Variants in SMYD3 observed in about 807,000 individuals in gnomAD.
SMYD3 encodes histone-lysine N-methyltransferase SMYD3.
Under a neutral mutation model 57.7 loss-of-function variants are expected in SMYD3, and 36 were observed. That is an observed-to-expected ratio of 0.62 (90% CI 0.48 to 0.82). SMYD3 has a LOEUF of 0.82. SMYD3 is among the 40% of genes least tolerant of loss of function. SMYD3 has a pLI of 0.00. For missense variants in SMYD3, 515 were observed against 538.8 expected, an observed-to-expected ratio of 0.96 and a Z score of 0.44; for synonymous variants, 211 against 195.0, an observed-to-expected ratio of 1.08 and a Z score of -0.68.
intron 5 of SMYD3, among the ~76,000 whole-genome samples, chr1:246,040,614 G>C (rs562268291): frequency 2.6e-5 from 4 of 152,258 alleles, no homozygotes; most frequent in African/African-American, 9.6e-5. Context: ...CCTCAGCTGG[G>C]GCTTATATTA....
chr1:245,918,346 A>C (rs1234916326), intron 7 of SMYD3, among the ~76,000 whole-genome samples: 2 of 152,166 alleles, frequency 1.3e-5, no homozygotes, highest in Non-Finnish European at 2.9e-5. Flanking sequence ...TTTTACTTTT[A>C]CATGGCTGCT....
At chr1:246,078,284 G>T (rs550789906) in intron 5 of SMYD3, among the ~76,000 whole-genome samples, 35 of 152,144 alleles carry the variant, frequency 2.3e-4, no homozygotes, top group African/African-American at 8.2e-4. Flanking sequence ...CCCGAGACAC[G>T]AAGCCAACAT....
chr1:246,178,218 A>G (rs1449193030), intron 5 of SMYD3, among the ~76,000 whole-genome samples: 1 of 152,196 alleles, frequency 6.6e-6, no homozygotes, highest in Admixed American at 6.5e-5. Flanking sequence ...TGAATGAACA[A>G]TGCCAGGGAT....
intron 5 of SMYD3, among the ~76,000 whole-genome samples, chr1:246,127,558 T>C (rs1036388923): frequency 6.6e-6 from 1 of 152,164 alleles, no homozygotes; most frequent in Non-Finnish European, 1.5e-5. Flanking sequence ...ACTAATTTCC[T>C]TACTGGTCTA....
rs1000137832 is a variant in SMYD3, at chr1:246,061,205, A to T, written c.532-131268T>A. ...ACCACTGCACTCCAGCCTGGGTGACAGAGCAAGACTCCGTCACACGCACAC... is the reference window on the plus strand; with the variant it reads ...ACCACTGCACTCCAGCCTGGGTGACTGAGCAAGACTCCGTCACACGCACAC... On this transcript the variant is annotated intron_variant, in intron 5 of 11. Transcript: ENST00000490107. 2.0e-5 allele frequency among the ~76,000 whole-genome samples: 3 copies of T among 152,218 alleles called. 1 individual carries two copies. The highest frequency in any genetic ancestry group is 7.2e-5 in the African/African-American group (3 of 41,454).
intron 5 of SMYD3, among the ~76,000 whole-genome samples, chr1:246,257,698 G>A (rs1361490212): frequency 7.9e-5 from 12 of 152,254 alleles, no homozygotes; most frequent in Admixed American, 5.2e-4. Flanking sequence ...TCTATTATGC[G>A]GTTGCTTTAT....
chr1:246,422,525 AG>A (rs1379442538), intron 1 of SMYD3, among the ~76,000 whole-genome samples: 3 of 152,046 alleles, frequency 2.0e-5, no homozygotes, highest in African/African-American at 7.2e-5. Flanking sequence ...CCTGCGTTCA[AG>A]GGATTCTCCT....
intron 8 of SMYD3, among the ~76,000 whole-genome samples, chr1:245,901,974 A>G (rs1386185053): frequency 6.6e-6 from 1 of 152,104 alleles, no homozygotes; most frequent in Non-Finnish European, 1.5e-5. Context: ...TCCCAAGGGC[A>G]TTCATGCTGC....
chr1:246,112,977 C>T (rs2061273691), intron 5 of SMYD3, among the ~76,000 whole-genome samples: 1 of 151,950 alleles, frequency 6.6e-6, no homozygotes, highest in South Asian at 2.1e-4. Context: ...GCCAGGAGTT[C>T]GAGACCAGCC....
chr1:246,350,416 T>C (rs1055261342), intron 2 of SMYD3, among the ~76,000 whole-genome samples: 2 of 152,150 alleles, frequency 1.3e-5, no homozygotes, highest in African/African-American at 4.8e-5. Flanking sequence ...ATGCAGCTAA[T>C]CCAGAAAAGA....
chr1:246,261,338 T>C (rs2064007756), intron 5 of SMYD3, among the ~76,000 whole-genome samples: 1 of 150,920 alleles, frequency 6.6e-6, no homozygotes, highest in Non-Finnish European at 1.5e-5. Flanking sequence ...ATTACAAGCA[T>C]GAGCCACCGC....
chr1:245,776,525 T>C (rs2046605422), intron 10 of SMYD3, among the ~76,000 whole-genome samples: 1 of 152,256 alleles, frequency 6.6e-6, no homozygotes, highest in Admixed American at 6.5e-5. Context: ...TCTACAATGT[T>C]GTTTAACAAC....
chr1:246,126,805 C>T (rs1344833123), intron 5 of SMYD3, among the ~76,000 whole-genome samples: 1 of 152,154 alleles, frequency 6.6e-6, no homozygotes, highest in Non-Finnish European at 1.5e-5. Flanking sequence ...ATTTTATCTC[C>T]AGGAATAGTC....
At chr1:246,001,728 C>T (rs2059050231) in intron 5 of SMYD3, among the ~76,000 whole-genome samples, 1 of 152,324 alleles carries the variant, frequency 6.6e-6, no homozygotes, top group South Asian at 2.1e-4. Flanking sequence ...GGGGTCATTG[C>T]CCTGGCTGAT....
intron 5 of SMYD3, among the ~76,000 whole-genome samples, chr1:245,986,554 G>T (rs1007490796): frequency 1.3e-5 from 2 of 152,184 alleles, no homozygotes; most frequent in Admixed American, 6.5e-5. Flanking sequence ...AACATTTTAA[G>T]GCCAGTAATA....
chr1:246,181,217 A>T (rs1274780086), intron 5 of SMYD3, among the ~76,000 whole-genome samples: 1 of 152,182 alleles, frequency 6.6e-6, no homozygotes, highest in Non-Finnish European at 1.5e-5. Context: ...CGCCTAGAGT[A>T]TATTTTACAA....
intron 5 of SMYD3, among the ~76,000 whole-genome samples, chr1:246,250,059 T>C (rs1173524361): frequency 3.3e-5 from 5 of 152,144 alleles, no homozygotes; most frequent in African/African-American, 1.2e-4. Flanking sequence ...CCCCCTCTCT[T>C]GATATATACC....
chr1:246,459,118 A>G (rs968274476), intron 1 of SMYD3, among the ~76,000 whole-genome samples: 2 of 152,246 alleles, frequency 1.3e-5, no homozygotes, highest in South Asian at 2.1e-4. Flanking sequence ...GAGTTCTCGC[A>G]AGATATTGTT....
intron 1 of SMYD3, among the ~76,000 whole-genome samples, chr1:246,362,540 C>G (rs1029869387): frequency 3.9e-5 from 6 of 152,184 alleles, no homozygotes; most frequent in Admixed American, 3.9e-4. Context: ...GCTGCCATCT[C>G]GGCTCACTGC....
Sources: allele counts gnomAD v4.1 joint callset (sites outside exome capture counted in the v4.1 genomes callset), GRCh38; gene constraint gnomAD v4.1.1; transcripts MANE v1.5; gene names NCBI Gene and HGNC (gene_info 2026-07-23, HGNC 2026-07-21).